Variants in KRT8 observed in about 807,000 individuals in gnomAD.
The protein encoded by KRT8 is keratin 8.
Under a neutral mutation model 43.0 loss-of-function variants are expected in KRT8, and 24 were observed. The observed-to-expected ratio is 0.56, with a 90% CI of 0.40 to 0.78. The LOEUF is 0.78. Among genes scored for constraint, KRT8 ranks in the 30% least tolerant of loss-of-function variants. The pLI is 0.00. For missense variants in KRT8, 492 were observed against 638.4 expected (o/e 0.77, Z 2.47); for synonymous variants, 214 against 261.2 (o/e 0.82, Z 1.74).
At position 52,949,060 on chromosome 12, in the gene KRT8, C is replaced by A. The variant is rs574125666; in HGVS notation, c.-47+396G>T. The A allele has an allele frequency of 9.6e-6, 10 of 1,038,772 alleles. 1 individual carries two copies. The highest frequency in any genetic ancestry group is 2.7e-5 in the South Asian group (2 of 73,122). 64.3% of individuals were successfully genotyped at this position (1,038,772 alleles called of 1,614,324 possible). On this transcript the variant is annotated intron_variant, in intron 2 of 6. Transcript: ENST00000546826. ...TGTGGCTCCGGCTTCCGAAGCGGCT[C>A]CGGGGCGGGGGCGGGGCCTCACTCT...
chr12:52,908,357 G>A (rs755899857), upstream of KRT8, among the ~76,000 whole-genome samples: 2 of 152,170 alleles, frequency 1.3e-5, no homozygotes, highest in African/African-American at 2.4e-5. Context: ...CAGGACTGAT[G>A]ATCTCATTCG....
At chr12:52,900,883 CT>C in intron 3 of KRT8, 200 bp from the exon 4 acceptor site, 1 of 639,160 alleles carries the variant, frequency 1.6e-6, no homozygotes. Context: ...GCAACACACC[CT>C]CTTCCACCTC....
chr12:52,917,776 G>T (rs892105164), intron 2 of KRT8, among the ~76,000 whole-genome samples: 61 of 151,754 alleles, frequency 4.0e-4, no homozygotes, highest in African/African-American at 1.4e-3. Flanking sequence ...CTATTCAGGA[G>T]GCTGAGGCAG....
At chr12:52,907,829 G>A (rs1941554179), upstream of KRT8, among the ~76,000 whole-genome samples, 2 of 152,246 alleles carry the variant, frequency 1.3e-5, no homozygotes, top group Non-Finnish European at 2.9e-5. Flanking sequence ...GGACTTCAGG[G>A]TTAAAGGCAG....
chr12:52,917,406 A>G (rs1425248952), intron 2 of KRT8, among the ~76,000 whole-genome samples: 1 of 151,110 alleles, frequency 6.6e-6, no homozygotes, highest in Admixed American at 6.6e-5. Flanking sequence ...TCTCAAAAAA[A>G]AAAAAGAAAA....
exon 8 of KRT8, chr12:52,897,508 A>G: frequency 6.3e-7 from 1 of 1,599,018 alleles, no homozygotes; most frequent in Non-Finnish European, 8.5e-7. Flanking sequence ...ACGGCCCTGG[A>G]GGAGCTGGTG....
chr12:52,917,420 A>T (rs1941762486), intron 2 of KRT8, among the ~76,000 whole-genome samples: 1 of 151,208 alleles, frequency 6.6e-6, no homozygotes, highest in East Asian at 2.0e-4. Flanking sequence ...AAGAAAAAAA[A>T]GAAAAGACTG....
intron 2 of KRT8, among the ~76,000 whole-genome samples, chr12:52,926,936 CTGAATGAA>C (rs60430117): frequency 0.012 from 1,757 of 150,572 alleles, 12 homozygotes; most frequent in Non-Finnish European, 0.016. Flanking sequence ...GTTTGATTCA[CTGAATGAA>C]TGAATGAATG....
intron 2 of KRT8, among the ~76,000 whole-genome samples, chr12:52,941,874 G>A (rs1413153067): frequency 1.3e-5 from 2 of 152,076 alleles, no homozygotes; most frequent in East Asian, 1.9e-4. Context: ...CACGTAGAAC[G>A]CAAGCTCCAT....
intron 2 of KRT8, chr12:52,926,332 G>GT: frequency 1.7e-6 from 1 of 600,278 alleles, no homozygotes; most frequent in Non-Finnish European, 3.0e-6. Context: ...GGCACTAGCT[G>GT]CCCTCCCCAC....
intron 2 of KRT8, chr12:52,926,425 C>T (rs1466281563): frequency 1.3e-6 from 2 of 1,490,556 alleles, no homozygotes; most frequent in Non-Finnish European, 1.8e-6. Flanking sequence ...TCCTGCAGGT[C>T]CTGGCTCCAG....
chr12:52,908,903 G>A (rs1565721700), upstream of KRT8, among the ~76,000 whole-genome samples: 1 of 152,184 alleles, frequency 6.6e-6, no homozygotes. Flanking sequence ...CTGCCCTGGA[G>A]GCTGAGTTGT....
chr12:52,903,648 T>G (rs1416545483), intron 1 of KRT8: 1 of 152,002 alleles, frequency 6.6e-6, no homozygotes, highest in Non-Finnish European at 1.5e-5. Context: ...TGTGTGAAAG[T>G]GGAGCCAGGC....
At chr12:52,904,624 C>T (rs1293403151) in intron 1 of KRT8, 34 bp downstream of exon 1, 1 of 1,592,356 alleles carries the variant, frequency 6.3e-7, no homozygotes, top group Non-Finnish European at 8.6e-7. Context: ...AAAGGGGCTG[C>T]GGGCACAGTC....
chr12:52,908,081 G>C (rs1263719012), upstream of KRT8, among the ~76,000 whole-genome samples: 3 of 152,224 alleles, frequency 2.0e-5, no homozygotes, highest in Admixed American at 2.0e-4. Flanking sequence ...AAGAGTGAGG[G>C]CCAGGCCCCC....
intron 2 of KRT8, among the ~76,000 whole-genome samples, chr12:52,929,110 A>G (rs1465459044): frequency 6.7e-6 from 1 of 149,992 alleles, no homozygotes; most frequent in African/African-American, 2.5e-5. Flanking sequence ...AATTTGATGG[A>G]CTCTTTTCAA....
At chr12:52,900,682 T>C in exon 4 of KRT8, 1 of 1,607,638 alleles carries the variant, frequency 6.2e-7, no homozygotes, top group Non-Finnish European at 8.5e-7. Flanking sequence ...TTCATCCACA[T>C]CCTGGGGGAT....
chr12:52,900,713 T>A (rs779085403), intron 3 of KRT8, 30 bp from the exon 4 acceptor site: 1 of 1,543,040 alleles, frequency 6.5e-7, no homozygotes, highest in South Asian at 1.1e-5. Flanking sequence ...GAGCCTGAGC[T>A]GGGTTTCCAC....
chr12:52,918,058 A>AGAG (rs1941784893), intron 2 of KRT8, among the ~76,000 whole-genome samples: 1 of 108,684 alleles, frequency 9.2e-6, no homozygotes, highest in East Asian at 2.3e-4. Context: ...AAGAGGAAGA[A>AGAG]GAAGGAGAAG....
Sources: allele counts gnomAD v4.1 joint callset (sites outside exome capture counted in the v4.1 genomes callset), GRCh38; gene constraint gnomAD v4.1.1; transcripts MANE v1.5; gene names NCBI Gene and HGNC (gene_info 2026-07-23, HGNC 2026-07-21).